Variants in DPP10 observed in about 807,000 individuals in gnomAD.
The protein encoded by DPP10 is dipeptidyl peptidase like 10.
A neutral mutation model predicts 120.9 loss-of-function variants in DPP10; 33 were observed. The observed-to-expected ratio is 0.27, with a 90% CI of 0.21 to 0.37. The LOEUF (loss-of-function observed/expected upper bound fraction) is 0.37. Among genes scored for constraint, DPP10 ranks in the 10% least tolerant of loss-of-function variants. DPP10 has a pLI of 1.00. For synonymous variants in DPP10, 337 were observed against 326.1 expected (o/e 1.03, Z -0.36); for missense variants, 816 against 942.8 (o/e 0.87, Z 1.76).
intron 19 of DPP10, among the ~76,000 whole-genome samples, chr2:115,795,389 A>G (rs17044994): frequency 0.014 from 2,082 of 152,210 alleles, 50 homozygotes; most frequent in African/African-American, 0.045. Flanking sequence ...TCCAGAATGC[A>G]ACATATGCTA....
Position 115,513,250 on chromosome 2 carries a change from T to A in DPP10, c.367-12648T>A, listed in dbSNP as rs190703905. The stretch of plus-strand genomic sequence containing the variant: ...ATGGTATACCTTTTTCACCTTTTTA[T>A]TTTAAACTTATTAGTGTCTTCAATT... On this transcript the variant is annotated intron_variant, in intron 4 of 25. Coordinates refer to ENST00000410059, the MANE Select transcript of DPP10 (RefSeq NM_020868.6). Among the ~76,000 whole-genome samples the A allele has an allele frequency of 1.3e-3, 194 of 152,050 alleles. 2 individuals are homozygous for A. The highest frequency in any genetic ancestry group is 4.6e-3 in the African/African-American group (191 of 41,538).
At chr2:115,277,630 A>G (rs577331137) in intron 1 of DPP10, among the ~76,000 whole-genome samples, 10 of 152,072 alleles carry the variant, frequency 6.6e-5, no homozygotes, top group African/African-American at 2.4e-4. Flanking sequence ...AGGACATTCT[A>G]GTTATACATC....
intron 2 of DPP10, among the ~76,000 whole-genome samples, chr2:115,334,959 G>C (rs777823543): frequency 1.3e-5 from 2 of 149,410 alleles, no homozygotes; most frequent in Non-Finnish European, 3.0e-5. Flanking sequence ...TCATTTTCAC[G>C]CTGCTGATAA....
intron 3 of DPP10, among the ~76,000 whole-genome samples, chr2:115,457,272 GA>G (rs2073638606): frequency 6.6e-6 from 1 of 151,444 alleles, no homozygotes; most frequent in African/African-American, 2.4e-5. Flanking sequence ...TCAGAATATA[GA>G]AGACCTTAAT....
intron 1 of DPP10, among the ~76,000 whole-genome samples, chr2:114,647,187 T>C (rs1696205682): frequency 6.6e-6 from 1 of 152,176 alleles, no homozygotes; most frequent in Admixed American, 6.5e-5. Flanking sequence ...TCATGGTAAG[T>C]TTATGGGATG....
chr2:115,522,760 A>C (rs968605612), intron 4 of DPP10, among the ~76,000 whole-genome samples: 1 of 152,132 alleles, frequency 6.6e-6, no homozygotes, highest in African/African-American at 2.4e-5. Context: ...TTACTTTTGC[A>C]TCCTTTCATT....
intron 3 of DPP10, among the ~76,000 whole-genome samples, chr2:115,489,904 T>C (rs907326538): frequency 2.6e-5 from 4 of 152,146 alleles, no homozygotes; most frequent in African/African-American, 9.7e-5. Flanking sequence ...CTATTCTCTC[T>C]GAGGCTTCAT....
rs149462158 is a variant in DPP10, at chr2:114,960,366, G to GTATATATATATATATATA, written c.61-348870_61-348853dup. Among the ~76,000 whole-genome samples, 244 of 143,768 alleles carry GTATATATATATATATATA rather than the reference G, an allele frequency of 1.7e-3. 1 individual carries two copies. The highest frequency in any genetic ancestry group is 6.0e-3 in the African/African-American group (232 of 38,930). The allele number at this position is 143,768 out of a possible 152,430, so 94.3% of individuals were successfully genotyped here. A position where few individuals can be genotyped will look rare whatever the true frequency, so the allele number is the denominator to read the frequency against. ...CTCTGGTTGTACAGAGTGTATGTGC[G>GTATATATATATATATATA]TATATATATATATATATATACTTTT... On this transcript the variant is annotated intron_variant, in intron 1 of 25. Transcript: ENST00000410059.
intron 1 of DPP10, among the ~76,000 whole-genome samples, chr2:114,765,401 T>C (rs933329436): frequency 6.6e-6 from 1 of 152,154 alleles, no homozygotes; most frequent in African/African-American, 2.4e-5. Flanking sequence ...ATTTACCTAA[T>C]TAATTTATTC....
At chr2:114,651,681 C>T (rs1696595906) in intron 1 of DPP10, among the ~76,000 whole-genome samples, 2 of 151,938 alleles carry the variant, frequency 1.3e-5, no homozygotes, top group South Asian at 4.2e-4. Flanking sequence ...GGGCTCCCCT[C>T]TAGACAAATC....
chr2:115,388,888 T>C (rs773461763), intron 3 of DPP10, among the ~76,000 whole-genome samples: 1 of 151,096 alleles, frequency 6.6e-6, no homozygotes, highest in Non-Finnish European at 1.5e-5. Flanking sequence ...ACACATGATA[T>C]GTAATCTGGC....
At chr2:114,829,248 C>T (rs1207563911) in intron 1 of DPP10, among the ~76,000 whole-genome samples, 1 of 151,820 alleles carries the variant, frequency 6.6e-6, no homozygotes, top group African/African-American at 2.4e-5. Context: ...CAAGATCGAG[C>T]CACTGCACTC....
At chr2:115,374,017 C>A (rs1462433955) in intron 3 of DPP10, among the ~76,000 whole-genome samples, 1 of 151,968 alleles carries the variant, frequency 6.6e-6, no homozygotes, top group Non-Finnish European at 1.5e-5. Context: ...CACCTCCCAC[C>A]AGGCCTCTCT....
intron 1 of DPP10, among the ~76,000 whole-genome samples, chr2:114,699,815 G>C (rs2105809299): frequency 6.6e-6 from 1 of 152,212 alleles, no homozygotes; most frequent in Admixed American, 6.5e-5. Flanking sequence ...CAAGGTCAAG[G>C]GAGTGAATGG....
chr2:115,145,028 C>G (rs902262025), intron 1 of DPP10: 4 of 151,796 alleles, frequency 2.6e-5, no homozygotes, highest in Admixed American at 2.0e-4. Context: ...GAAGGCATCC[C>G]TGAGGAAACA....
intron 1 of DPP10, among the ~76,000 whole-genome samples, chr2:114,910,035 T>A (rs550761266): frequency 6.6e-4 from 100 of 151,786 alleles, no homozygotes; most frequent in African/African-American, 2.2e-3. Flanking sequence ...TGTATATATA[T>A]ATATTTATAT....
At chr2:114,901,070 A>G (rs1000293398) in intron 1 of DPP10, among the ~76,000 whole-genome samples, 5 of 152,236 alleles carry the variant, frequency 3.3e-5, no homozygotes, top group African/African-American at 1.2e-4. Flanking sequence ...AAGAACAAAC[A>G]TCAAATTTAT....
At chr2:115,200,772 T>C (rs2055649869) in intron 1 of DPP10, among the ~76,000 whole-genome samples, 1 of 152,206 alleles carries the variant, frequency 6.6e-6, no homozygotes, top group Admixed American at 6.5e-5. Context: ...TATTACTGTT[T>C]ATACTTGTCT....
chr2:114,752,333 A>T (rs781170790), intron 1 of DPP10, among the ~76,000 whole-genome samples: 2 of 152,216 alleles, frequency 1.3e-5, no homozygotes, highest in Non-Finnish European at 2.9e-5. Flanking sequence ...AAATCCTGCC[A>T]AAGTTGAAGA....
Sources: allele counts gnomAD v4.1 joint callset (sites outside exome capture counted in the v4.1 genomes callset), GRCh38; gene constraint gnomAD v4.1.1; transcripts MANE v1.5; gene names NCBI Gene and HGNC (gene_info 2026-07-23, HGNC 2026-07-21).